VRTN: variants seen among roughly 807,000 people sequenced by gnomAD.
VRTN encodes the protein vertnin.
In VRTN, 5 loss-of-function variants were observed where a neutral mutation model predicts 18.2. That is an observed-to-expected ratio of 0.27 (90% CI 0.14 to 0.58). The LOEUF is 0.58. Among genes scored for constraint, VRTN ranks in the 20% least tolerant of loss-of-function variants. The pLI is 0.91. For missense variants in VRTN, 741 were observed against 939.4 expected (o/e 0.79, Z 2.76); for synonymous variants, 381 against 393.7 (o/e 0.97, Z 0.38).
chr14:74,318,692 G>C (rs1334899106), intron 1 of VRTN, among the ~76,000 whole-genome samples: 1 of 141,440 alleles, frequency 7.1e-6, no homozygotes, highest in African/African-American at 2.6e-5. Context: ...GATTACAGGC[G>C]TGAGCCACCG....
At chr14:74,307,139 T>TTA (rs1382780506) in intron 1 of VRTN, among the ~76,000 whole-genome samples, 1 of 132,536 alleles carries the variant, frequency 7.5e-6, no homozygotes, top group African/African-American at 3.0e-5. Flanking sequence ...TTGTGGCCCT[T>TTA]TTTTTTTTTT....
intron 2 of VRTN, among the ~76,000 whole-genome samples, chr14:74,338,423 CATT>C (rs2085579225): frequency 6.6e-6 from 1 of 152,208 alleles, no homozygotes; most frequent in South Asian, 2.1e-4. Context: ...TGGTAGCTCT[CATT>C]ATGAGCTCTT....
rs138502567 is a variant in VRTN, at chr14:74,325,782, GA to G, written c.-163-11934del. 8.1e-3 allele frequency among the ~76,000 whole-genome samples: 1,230 copies of G among 151,948 alleles called. 16 individuals are homozygous for G. The highest frequency in any genetic ancestry group is 0.028 in the African/African-American group (1,166 of 41,450). On this transcript the variant is annotated intron_variant, in intron 1 of 2. Coordinates refer to the VRTN transcript ENST00000557177. Reference sequence around the variant, plus strand: ...GAGACCCTGTTTCAAAATAAAAAAAGAAAAAAAGAGGAAAGAAATATTAATA... The same window carrying G: ...GAGACCCTGTTTCAAAATAAAAAAAGAAAAAAGAGGAAAGAAATATTAATA...
At chr14:74,341,549 G>C (rs536245858) in intron 2 of VRTN, among the ~76,000 whole-genome samples, 1 of 152,130 alleles carries the variant, frequency 6.6e-6, no homozygotes. Flanking sequence ...ACAGAGTTTT[G>C]CTCTTGTTGC....
At chr14:74,347,385 C>T (rs1037323583), upstream of VRTN, among the ~76,000 whole-genome samples, 3 of 152,204 alleles carry the variant, frequency 2.0e-5, no homozygotes, top group Middle Eastern at 3.2e-3. Context: ...AGTGTGGCGG[C>T]TCTTCTTCCA....
chr14:74,311,144 T>C (rs976157448), intron 1 of VRTN, among the ~76,000 whole-genome samples: 35 of 152,192 alleles, frequency 2.3e-4, no homozygotes, highest in African/African-American at 8.4e-4. Context: ...TTGAACAATG[T>C]CCATGCCCTA....
At chr14:74,330,106 C>T (rs2085512139) in intron 1 of VRTN, among the ~76,000 whole-genome samples, 1 of 151,504 alleles carries the variant, frequency 6.6e-6, no homozygotes, top group Non-Finnish European at 1.5e-5. Context: ...AGCTCCTAAC[C>T]TCAAGTGATC....
chr14:74,354,137 G>C (rs1348201922), intron 1 of VRTN, among the ~76,000 whole-genome samples: 1 of 152,088 alleles, frequency 6.6e-6, no homozygotes, highest in East Asian at 1.9e-4. Context: ...TATCTCCATA[G>C]TATTTGGTTT....
chr14:74,329,555 G>A (rs1305622499), intron 1 of VRTN, among the ~76,000 whole-genome samples: 2 of 151,604 alleles, frequency 1.3e-5, no homozygotes, highest in South Asian at 2.1e-4. Context: ...TTCCAGGTGT[G>A]AGCCATAGTG....
At chr14:74,341,193 A>G (rs2140206771) in intron 2 of VRTN, among the ~76,000 whole-genome samples, 1 of 152,352 alleles carries the variant, frequency 6.6e-6, no homozygotes, top group African/African-American at 2.4e-5. Context: ...TTATTAGACC[A>G]GTGCTAAGAA....
chr14:74,359,405 A>T lies in VRTN; in HGVS notation c.*513A>T, dbSNP rs575488575. 1 of 168,746 alleles carries T rather than the reference A, an allele frequency of 5.9e-6. No homozygotes were observed. Among genetic ancestry groups the T allele is most frequent in the Admixed American group, 6.4e-5 (1 of 15,512 alleles). 10.5% of individuals were successfully genotyped at this position (168,746 alleles called of 1,614,324 possible). A position where few individuals can be genotyped will look rare whatever the true frequency, so the allele number is the denominator to read the frequency against. On this transcript the variant is annotated 3_prime_UTR_variant, in exon 2 of 2. Coordinates refer to ENST00000256362, the MANE Select transcript of VRTN (RefSeq NM_018228.3). ...AACATTAGGCTCGAATATGGGGGCCAGGTGTGGTGGCTTATGCCTGTAATC... is the reference window on the plus strand; with the variant it reads ...AACATTAGGCTCGAATATGGGGGCCTGGTGTGGTGGCTTATGCCTGTAATC...
chr14:74,349,806 T>G (rs1299581477), intron 1 of VRTN, among the ~76,000 whole-genome samples: 1 of 152,206 alleles, frequency 6.6e-6, no homozygotes, highest in Non-Finnish European at 1.5e-5. Flanking sequence ...GAGTAGCCTG[T>G]GGCCATTCAT....
rs755191419 is a variant in VRTN, at chr14:74,357,263, C to T, written c.480C>T (p.Asp160=). The change falls in exon 2 of 2, where the codon GAC becomes GAT. Residue 160 remains aspartate (D), a synonymous_variant. Coordinates refer to ENST00000256362, the MANE Select transcript of VRTN (RefSeq NM_018228.3). This position sits in a 1 kb window ranked among gnomAD's most constrained non-coding sequence, Gnocchi z 7.8. ...PATLEAIFDA[D]VKASCFPSSF... is the part of the protein sequence containing the mutation. The stretch of plus-strand genomic sequence containing the variant: ...CGCTGGAGGCCATCTTCGATGCCGA[C>T]GTCAAGGCCTCCTGTTTCCCCAGCA... 23 of 1,613,636 alleles carry T rather than the reference C, an allele frequency of 1.4e-5. No homozygotes were observed. The highest frequency in any genetic ancestry group is 2.2e-5 in the East Asian group (1 of 44,866).
rs768793398 is a variant in VRTN at position 74,358,124 on chromosome 14, C to G, written c.1341C>G (p.Asn447Lys). Reference protein sequence around the residue: ...YNWRRKALRRNPSFKPAPALS... With the variant: ...YNWRRKALRRKPSFKPAPALS... ...GGCGGCGAAAGGCCCTCCGGAGGAA[C>G]CCCAGCTTCAAGCCGGCACCAGCCC... The change falls in exon 2 of 2, where the codon AAC becomes AAG. Residue 447 changes from asparagine to lysine, a missense_variant. Physicochemically the swap from Asn to Lys is moderately conservative, Grantham distance 94. Coordinates refer to ENST00000256362, the MANE Select transcript of VRTN (RefSeq NM_018228.3). The surrounding 1 kb of genome is among the most constrained non-coding windows in gnomAD (Gnocchi z 5.4). The G allele has an allele frequency of 4.3e-6, 7 of 1,614,122 alleles. No individual in the cohort carries two copies. In the East Asian group the frequency reaches 1.6e-4, roughly 36 times the overall value.
At chr14:74,328,326 C>T (rs1023877450) in intron 1 of VRTN, among the ~76,000 whole-genome samples, 7 of 152,052 alleles carry the variant, frequency 4.6e-5, no homozygotes, top group African/African-American at 1.7e-4. Context: ...CTCTGTAGTC[C>T]GTTGAGGGGC....
chr14:74,340,547 A>G (rs1567043166), intron 2 of VRTN, among the ~76,000 whole-genome samples: 1 of 152,026 alleles, frequency 6.6e-6, no homozygotes, highest in Non-Finnish European at 1.5e-5. Context: ...CCGGCCAATG[A>G]GAAGCCTTTT....
At position 74,305,129 on chromosome 14, in the gene VRTN, C is replaced by G. The variant is rs145829696; in HGVS notation, c.-164+1953C>G. ...GGCAAATCACCTGAGGTCAGGAGTT[C>G]AAGACCAGCCTGGCCAACATGACAA... On this transcript the variant is annotated intron_variant, in intron 1 of 2. Coordinates refer to the VRTN transcript ENST00000557177. Among the ~76,000 whole-genome samples the G allele has an allele frequency of 9.1e-3, 1,384 of 152,204 alleles. 13 individuals are homozygous for G. Among genetic ancestry groups the G allele is most frequent in the Non-Finnish European group, 0.016 (1,069 of 68,004 alleles).
At chr14:74,307,879 A>G (rs1479725108) in intron 1 of VRTN, among the ~76,000 whole-genome samples, 1 of 151,910 alleles carries the variant, frequency 6.6e-6, no homozygotes, top group Non-Finnish European at 1.5e-5. Context: ...ACAGGCGTCC[A>G]CCAGCACGCC....
chr14:74,327,929 C>T (rs1244109327), intron 1 of VRTN, among the ~76,000 whole-genome samples: 1 of 152,020 alleles, frequency 6.6e-6, no homozygotes, highest in African/African-American at 2.4e-5. Flanking sequence ...CAATGTTGGC[C>T]GGGCTGGTCG....
Sources: gnomAD v4.1 joint callset for allele counts (sites outside exome capture counted in the v4.1 genomes callset) on GRCh38, gnomAD v4.1.1 for gene constraint, Gnocchi (gnomAD v3.1) non-coding constraint, MANE v1.5 for transcripts, NCBI Gene and HGNC (gene_info 2026-07-23, HGNC 2026-07-21) for gene names.